MARCHF6: variants seen among roughly 807,000 people sequenced by gnomAD.
MARCHF6 encodes the protein E3 ubiquitin-protein ligase MARCHF6.
MARCHF6 carries 31 observed loss-of-function variants against 133.7 expected under a neutral mutation model. The ratio of observed to expected loss-of-function variants is 0.23; its 90% CI spans 0.17 to 0.31. MARCHF6 has a LOEUF of 0.31. Ranked by LOEUF, MARCHF6 falls within the 10% of genes least tolerant of loss-of-function variation. The pLI, the probability that MARCHF6 is intolerant of heterozygous loss-of-function variation, is 1.00. For missense variants in MARCHF6, 723 were observed against 1,121.6 expected (o/e 0.64, Z 5.08); for synonymous variants, 395 against 402.5 (o/e 0.98, Z 0.22).
rs1315941396 is a variant in MARCHF6 at position 10,437,253 on chromosome 5, C to G, written c.*3569C>G. 6.6e-6 allele frequency: 1 copy of G among 152,080 alleles called. No homozygotes were observed. Among genetic ancestry groups the G allele is most frequent in the Non-Finnish European group, 1.5e-5 (1 of 68,030 alleles). 9.4% of individuals were successfully genotyped at this position (152,080 alleles called of 1,614,324 possible). A position where few individuals can be genotyped will look rare whatever the true frequency, so the allele number is the denominator to read the frequency against. On this transcript the variant is annotated 3_prime_UTR_variant, in exon 26 of 26. Transcript: ENST00000274140. ...CTCTCTACTTACTGTGAGAAGTTTT[C>G]TACATTGTAAAATTAAAAGATTATA...
In MARCHF6 at chr5:10,411,415, C is replaced by T. The variant is rs1413548708; in HGVS notation, c.1774C>T (p.Arg592Ter). 6.2e-7 allele frequency: 1 copy of T among 1,614,166 alleles called. No homozygotes were observed. The highest frequency in any genetic ancestry group is 8.5e-7 in the Non-Finnish European group (1 of 1,180,020). ...ACAAGTTAACAATAATCAGCATGCTCGAAATAACAACGCTATTCCTGTGGT... is the reference window on the plus strand; with the variant it reads ...ACAAGTTAACAATAATCAGCATGCTTGAAATAACAACGCTATTCCTGTGGT... Reference protein sequence around the residue: ...NQQVNNNQHARNNNAIPVVGE... With the variant: ...NQQVNNNQHA The change falls in exon 19 of 26, where the codon CGA (arginine) becomes TGA (stop). Residue 592 changes from arginine (R) to a stop codon, truncating the protein, a stop_gained. Transcript: ENST00000274140. LOFTEE classifies it high-confidence loss of function.
Position 10,413,743 on chromosome 5 carries a change from C to A in MARCHF6, c.1897-690C>A, listed in dbSNP as rs1739354073. Among the ~76,000 whole-genome samples the A allele has an allele frequency of 3.3e-5, 5 of 152,252 alleles. No homozygotes were observed. The South Asian group carries it at 1.0e-3, about 32-fold the overall frequency. On this transcript the variant is annotated intron_variant, in intron 19 of 25. Transcript: ENST00000274140. ...GAGGGACTCCCATTTATAAAACCGT[C>A]AGATCTGGTGGGACTTAATTCACTA...
rs765582398 is a variant in MARCHF6, at chr5:10,417,424, T to G, written c.2283+20T>G. On this transcript the variant is annotated intron_variant, in intron 22 of 25. Coordinates refer to ENST00000274140, the MANE Select transcript of MARCHF6 (RefSeq NM_005885.4). ...TGGCAGGTAAATGTATGTCTTTTGC[T>G]CATGTTATTTCATTAAGGATTTGAG... 1.9e-6 allele frequency: 3 copies of G among 1,612,386 alleles called. No individual in the cohort carries two copies. The highest frequency in any genetic ancestry group is 2.5e-6 in the Non-Finnish European group (3 of 1,179,534).
chr5:10,412,295 T>C (rs1282437167), intron 19 of MARCHF6, among the ~76,000 whole-genome samples: 1 of 152,202 alleles, frequency 6.6e-6, no homozygotes, highest in Non-Finnish European at 1.5e-5. Context: ...TGGTCTTTGC[T>C]CAGAAAGAGC....
intron 7 of MARCHF6, among the ~76,000 whole-genome samples, chr5:10,393,196 G>T (rs1387860563): frequency 6.6e-6 from 1 of 152,106 alleles, no homozygotes; most frequent in Non-Finnish European, 1.5e-5. Context: ...TCCCCAAGTA[G>T]CTGGGACCAC....
intron 1 of MARCHF6, among the ~76,000 whole-genome samples, chr5:10,364,116 AT>A (rs1404725574): frequency 6.6e-6 from 1 of 152,248 alleles, no homozygotes; most frequent in Non-Finnish European, 1.5e-5. Flanking sequence ...AAAATTGTTA[AT>A]TAAAACTACT....
intron 23 of MARCHF6, 85 bp from the exon 24 acceptor site, chr5:10,426,305 A>G: frequency 6.8e-7 from 1 of 1,470,740 alleles, no homozygotes; most frequent in Non-Finnish European, 9.3e-7. Flanking sequence ...TTGGGTTGGC[A>G]GATTCAGTTG....
chr5:10,378,639 AAAATTTTGAAAC>A, intron 2 of MARCHF6, 108 bp from the exon 3 acceptor site: 1 of 634,096 alleles, frequency 1.6e-6, no homozygotes, highest in Non-Finnish European at 2.7e-6. Context: ...TCTAAATTTG[AAAATTTTGAAAC>A]TAAAAGCTCT....
intron 15 of MARCHF6, among the ~76,000 whole-genome samples, chr5:10,404,076 T>TTTATTTATTTAC (rs1455930593): frequency 5.9e-5 from 8 of 136,208 alleles, no homozygotes; most frequent in Non-Finnish European, 1.1e-4. Flanking sequence ...TATTTATTTA[T>TTTATTTATTTAC]TTACTTATTT....
At chr5:10,406,091 C>T (rs1002524512) in intron 16 of MARCHF6, among the ~76,000 whole-genome samples, 6 of 152,098 alleles carry the variant, frequency 3.9e-5, no homozygotes, top group Admixed American at 2.0e-4. Flanking sequence ...TTGGGAACTG[C>T]GAGTGCGAGG....
chr5:10,378,550 G>T (rs1736925669), intron 2 of MARCHF6, among the ~76,000 whole-genome samples: 1 of 152,094 alleles, frequency 6.6e-6, no homozygotes, highest in South Asian at 2.1e-4. Context: ...TTTTTTAATG[G>T]TAGAAAAATG....
At chr5:10,365,216 A>T (rs182371999) in intron 1 of MARCHF6, among the ~76,000 whole-genome samples, 19 of 152,340 alleles carry the variant, frequency 1.2e-4, no homozygotes, top group African/African-American at 3.8e-4. Context: ...GCAACAGTAC[A>T]GGTGAATTTT....
intron 10 of MARCHF6, among the ~76,000 whole-genome samples, chr5:10,400,473 A>T (rs942575137): frequency 1.4e-4 from 21 of 152,166 alleles, no homozygotes; most frequent in Admixed American, 1.4e-3. Flanking sequence ...TGAGCATCAT[A>T]AACTCATGGA....
At chr5:10,433,080 G>A (rs1691387066) in intron 25 of MARCHF6, among the ~76,000 whole-genome samples, 1 of 151,960 alleles carries the variant, frequency 6.6e-6, no homozygotes, top group Admixed American at 6.6e-5. Flanking sequence ...AGTAGAGATG[G>A]GGTTTCACCA....
At chr5:10,407,817 G>A (rs1026733487) in intron 17 of MARCHF6, among the ~76,000 whole-genome samples, 1 of 152,072 alleles carries the variant, frequency 6.6e-6, no homozygotes, top group Admixed American at 6.5e-5. Context: ...TTAGCCATGC[G>A]TGGTGGCGCA....
At chr5:10,387,648 T>A (rs1737572711) in intron 5 of MARCHF6, among the ~76,000 whole-genome samples, 1 of 152,088 alleles carries the variant, frequency 6.6e-6, no homozygotes, top group Non-Finnish European at 1.5e-5. Context: ...AGATACATAC[T>A]ACTGTCTTAT....
chr5:10,394,743 T>C lies in MARCHF6; in HGVS notation c.829-10T>C. On this transcript the variant is annotated splice_polypyrimidine_tract_variant and intron_variant, in intron 8 of 25. Transcript: ENST00000274140. The stretch of plus-strand genomic sequence containing the variant: ...CTTAAATTAATGCTTATCGTTTTTG[T>C]TTATTTTAGATGCTAGGACTTGATG... 6.3e-7 allele frequency: 1 copy of C among 1,582,208 alleles called. No individual in the cohort carries two copies. The highest frequency in any genetic ancestry group is 1.8e-5 in the Admixed American group (1 of 56,970).
At chr5:10,423,013 T>A (rs1014512922) in intron 22 of MARCHF6, among the ~76,000 whole-genome samples, 9 of 151,938 alleles carry the variant, frequency 5.9e-5, no homozygotes, top group Non-Finnish European at 7.4e-5. Flanking sequence ...TTTTTTTTTT[T>A]AATACCGTTT....
At position 10,434,129 on chromosome 5, in the gene MARCHF6, ATTCT is replaced by A. The variant is rs1398564897; in HGVS notation, c.*455_*458del. The stretch of plus-strand genomic sequence containing the variant: ...GCAGCTCTCACTAAGGGAACTGTAC[ATTCT>A]TTCTTTCTTGGCTATTCAGACCTTA... On this transcript the variant is annotated 3_prime_UTR_variant, in exon 26 of 26. Transcript: ENST00000274140. The A allele has an allele frequency of 6.3e-6, 1 of 159,086 alleles. No homozygotes were observed. Among genetic ancestry groups the A allele is most frequent in the Non-Finnish European group, 1.4e-5 (1 of 71,794 alleles). The allele number at this position is 159,086 out of a possible 1,614,324, so 9.9% of individuals were successfully genotyped here.
Sources: gnomAD v4.1 joint callset for allele counts (sites outside exome capture counted in the v4.1 genomes callset) on GRCh38, gnomAD v4.1.1 for gene constraint, MANE v1.5 for transcripts, NCBI Gene and HGNC (gene_info 2026-07-23, HGNC 2026-07-21) for gene names.